Variants in INTS10 observed in about 807,000 individuals in gnomAD.
INTS10 encodes chromosome 8 open reading frame 35.
A neutral mutation model predicts 94.4 loss-of-function variants in INTS10; 44 were observed. The ratio of observed to expected loss-of-function variants is 0.47; its 90% CI spans 0.37 to 0.60. The LOEUF (loss-of-function observed/expected upper bound fraction) is 0.60, where lower values mean the gene tolerates loss of function less well. Ranked by LOEUF, INTS10 falls within the 20% of genes least tolerant of loss-of-function variation. The pLI is 0.00. For synonymous variants in INTS10, 341 were observed against 320.7 expected (o/e 1.06, Z -0.68); for missense variants, 797 against 868.7 (o/e 0.92, Z 1.04).
chr8:19,828,351 A>C (rs1338208630), intron 9 of INTS10, among the ~76,000 whole-genome samples: 1 of 152,134 alleles, frequency 6.6e-6, no homozygotes, highest in Non-Finnish European at 1.5e-5. Context: ...GGCCCACATC[A>C]GTTCTCCAGC....
Position 19,820,477 on chromosome 8 carries a change from C to G in INTS10, c.400C>G (p.Leu134Val). The G allele has an allele frequency of 5.6e-6, 9 of 1,612,752 alleles. No individual in the cohort carries two copies. The highest frequency in any genetic ancestry group is 6.8e-6 in the Non-Finnish European group (8 of 1,178,980). ...NTLERSEMLL[L>V]LLRRFPETVV... ...GTTAGAACGATCAGAAATGTTGCTT[C>G]TACTTTTGAGGCGCTTCCCTGAAAC... The change falls in exon 4 of 17, where the codon CTA (leucine) becomes GTA (valine). Residue 134 changes from leucine to valine, a missense_variant. This residue lies in a region of INTS10 where 734 missense variants were observed against 787.8 expected (regional missense o/e 0.93). Transcript: ENST00000397977.
intron 2 of INTS10, among the ~76,000 whole-genome samples, 185 bp from the exon 3 acceptor site, chr8:19,819,388 T>C (rs1274761017): frequency 6.6e-6 from 1 of 152,254 alleles, no homozygotes. Context: ...TAAAGACTTA[T>C]GTGAGTACTC....
At chr8:19,819,070 A>G (rs888815512) in intron 2 of INTS10, among the ~76,000 whole-genome samples, 13 of 152,206 alleles carry the variant, frequency 8.5e-5, no homozygotes, top group African/African-American at 3.1e-4. Context: ...ATCCCAGTCT[A>G]CATTACCACC....
In INTS10 at chr8:19,837,815, G is replaced by GT. The variant is rs970232269; in HGVS notation, c.1639+665dup. 6.2e-3 allele frequency among the ~76,000 whole-genome samples: 929 copies of GT among 149,074 alleles called. 8 individuals carry two copies. The highest frequency in any genetic ancestry group is 0.019 in the African/African-American group (759 of 40,782). The stretch of plus-strand genomic sequence containing the variant: ...ATAGAGAACATTAATAAAACTGGAA[G>GT]TTTTTTTTTTGAAAAATATTATAAA... On this transcript the variant is annotated intron_variant, in intron 13 of 16. Transcript: ENST00000397977.
chr8:19,851,207 G>GTGA lies in INTS10; in HGVS notation c.1977-440_1977-438dup, dbSNP rs1358018473. 6.6e-6 allele frequency among the ~76,000 whole-genome samples: 1 copy of GTGA among 152,158 alleles called. No individual in the cohort carries two copies. The highest frequency in any genetic ancestry group is 1.5e-5 in the Non-Finnish European group (1 of 68,040). ...GGGGCCATGGTGGGAGCTCACTTGG[G>GTGA]TGATTGGCTCATTCAGGTCTCCTCC... is the stretch of plus-strand genomic sequence containing the variant. On this transcript the variant is annotated intron_variant, in intron 16 of 16. Coordinates refer to ENST00000397977, the MANE Select transcript of INTS10 (RefSeq NM_018142.4). The surrounding 1 kb of genome is among the most constrained non-coding windows in gnomAD (Gnocchi z 5.0).
intron 12 of INTS10, among the ~76,000 whole-genome samples, chr8:19,836,277 TG>T (rs1399961795): frequency 1.3e-5 from 2 of 151,628 alleles, no homozygotes; most frequent in Non-Finnish European, 2.9e-5. Context: ...CAAAAGGGTT[TG>T]CTTGACACAG....
chr8:19,842,162 G>A (rs1270249413), intron 13 of INTS10, among the ~76,000 whole-genome samples: 2 of 152,114 alleles, frequency 1.3e-5, no homozygotes, highest in African/African-American at 4.8e-5. Flanking sequence ...GTGAAAAATT[G>A]GAAATGTCAA....
Position 19,845,721 on chromosome 8 carries a change from G to A in INTS10, c.1900G>A (p.Glu634Lys). ...NYVTNIDMLE[E>K]FAYLRTQEGG... Reference sequence around the variant, plus strand: ...GCCTGCAGATATTGATATGCTGGAGGAATTTGCCTACTTGAGAACTCAGGA... The same window carrying A: ...GCCTGCAGATATTGATATGCTGGAGAAATTTGCCTACTTGAGAACTCAGGA... Residue 634 changes from glutamate to lysine, a missense_variant, in exon 16 of 17, where the codon GAA becomes AAA. Glu to Lys is a moderately conservative substitution (Grantham distance 56). This residue lies in a region of INTS10 where 734 missense variants were observed against 787.8 expected (regional missense o/e 0.93). Transcript: ENST00000397977. The A allele has an allele frequency of 6.2e-7, 1 of 1,613,368 alleles. No individual in the cohort carries two copies. Among genetic ancestry groups the A allele is most frequent in the Non-Finnish European group, 8.5e-7 (1 of 1,179,310 alleles).
intron 6 of INTS10, 72 bp downstream of exon 6, chr8:19,823,513 T>C (rs1000793946): frequency 3.9e-6 from 4 of 1,026,252 alleles, no homozygotes; most frequent in Admixed American, 2.0e-5. Context: ...AACCCCTCAA[T>C]GTTCTGATTA....
intron 13 of INTS10, chr8:19,837,367 A>C (rs2067746080): frequency 5.6e-6 from 3 of 531,550 alleles, no homozygotes; most frequent in Non-Finnish European, 1.0e-5. Flanking sequence ...TTAGGACCCA[A>C]GGCTGAACAA....
In INTS10 at chr8:19,824,139, A is replaced by G. The variant is rs1432067726; in HGVS notation, c.836+95A>G. 10 of 1,072,338 alleles carry G rather than the reference A, an allele frequency of 9.3e-6. No homozygotes were observed. In the South Asian group the frequency reaches 1.6e-4, roughly 17 times the overall value. The allele number at this position is 1,072,338 out of a possible 1,614,324, so 66.4% of individuals were successfully genotyped here. A position where few individuals can be genotyped will look rare whatever the true frequency, so the allele number is the denominator to read the frequency against. On this transcript the variant is annotated intron_variant, in intron 7 of 16. Coordinates refer to ENST00000397977, the MANE Select transcript of INTS10 (RefSeq NM_018142.4). ...TTTTAAATCTGTGTAATGCGTAGGT[A>G]TAGTTTTTGGGCAAATTTTGTGACA...
At chr8:19,824,099 A>T (rs924320859) in intron 7 of INTS10, 55 bp downstream of exon 7, 37 of 1,422,474 alleles carry the variant, frequency 2.6e-5, no homozygotes, top group Non-Finnish European at 3.4e-5. Context: ...ATCCTTATAA[A>T]AACAAAATCA....
Position 19,845,739 on chromosome 8 carries a change from A to T in INTS10, c.1918A>T (p.Thr640Ser). Residue 640 changes from threonine (T) to serine (S), a missense_variant, in exon 16 of 17, where the codon ACT becomes TCT. Thr to Ser is a moderately conservative substitution (Grantham distance 58). Coordinates refer to ENST00000397977, the MANE Select transcript of INTS10 (RefSeq NM_018142.4). The stretch of plus-strand genomic sequence containing the variant: ...GCTGGAGGAATTTGCCTACTTGAGA[A>T]CTCAGGAAGGTGGGAAAATTCATCT... ...DMLEEFAYLR[T>S]QEGGKIHLEL... 1 of 1,613,930 alleles carries T rather than the reference A, an allele frequency of 6.2e-7. No individual in the cohort carries two copies. The highest frequency in any genetic ancestry group is 8.5e-7 in the Non-Finnish European group (1 of 1,179,824).
chr8:19,832,903 G>A (rs1045338663), intron 11 of INTS10, among the ~76,000 whole-genome samples: 1 of 152,102 alleles, frequency 6.6e-6, no homozygotes, highest in Non-Finnish European at 1.5e-5. Context: ...ACAGGGCCTG[G>A]TTATTTTCTT....
intron 9 of INTS10, among the ~76,000 whole-genome samples, chr8:19,827,670 C>T (rs36024754): frequency 0.49 from 74,169 of 151,918 alleles, 18,306 homozygotes; most frequent in Non-Finnish European, 0.53. Context: ...TTCTTCCTTC[C>T]GGTTTTTTTT....
At chr8:19,823,480 T>A (rs2066549058) in intron 6 of INTS10, 39 bp downstream of exon 6, 3 of 1,378,990 alleles carry the variant, frequency 2.2e-6, no homozygotes, top group Non-Finnish European at 3.1e-6. Context: ...TAAATAGGCT[T>A]TAGTAATATT....
At chr8:19,823,599 C>T (rs1412676591) in intron 6 of INTS10, 158 bp downstream of exon 6, 1 of 650,432 alleles carries the variant, frequency 1.5e-6, no homozygotes, top group African/African-American at 1.8e-5. Context: ...AAAGATGAGG[C>T]TTTTCTGGAA....
intron 16 of INTS10, among the ~76,000 whole-genome samples, chr8:19,850,359 T>G (rs114012958): frequency 0.017 from 2,655 of 152,214 alleles, 84 homozygotes; most frequent in African/African-American, 0.06. Flanking sequence ...CATCCAGATT[T>G]GACGAGAGAT....
intron 12 of INTS10, 104 bp downstream of exon 12, chr8:19,833,425 T>A (rs756275236): frequency 3.9e-6 from 3 of 762,520 alleles, no homozygotes; most frequent in Non-Finnish European, 5.6e-6. Context: ...TATTTCAATT[T>A]GATCTTTCTG....
Sources: allele counts gnomAD v4.1 joint callset (sites outside exome capture counted in the v4.1 genomes callset), GRCh38; gene constraint gnomAD v4.1.1; regional missense constraint gnomAD v4.1.1; non-coding constraint Gnocchi (gnomAD v3.1); transcripts MANE v1.5; gene names NCBI Gene and HGNC (gene_info 2026-07-23, HGNC 2026-07-21).